The following LCA5 variants were observed in gnomAD, a reference collection of about 807,000 sequenced individuals.
The protein encoded by LCA5 is lebercilin.
A neutral mutation model predicts 53.0 loss-of-function variants in LCA5; 37 were observed. That is an observed-to-expected ratio of 0.70 (90% CI 0.54 to 0.92). The LOEUF (loss-of-function observed/expected upper bound fraction) is 0.92, where lower values mean the gene tolerates loss of function less well. Ranked by LOEUF, LCA5 falls within the 40% of genes least tolerant of loss-of-function variation. The probability of loss-of-function intolerance (pLI) is 0.00; values close to 1 mark genes in which losing one functional copy is unlikely to be tolerated. For synonymous variants in LCA5, 303 were observed against 282.9 expected, an observed-to-expected ratio of 1.07 and a Z score of -0.71; for missense variants, 806 against 790.5, an observed-to-expected ratio of 1.02 and a Z score of -0.23.
At chr6:79,505,351 C>A (rs190439466) in intron 3 of LCA5, among the ~76,000 whole-genome samples, 5 of 152,144 alleles carry the variant, frequency 3.3e-5, no homozygotes, top group South Asian at 4.1e-4. Context: ...TTAGTAGAAT[C>A]TCAATGAATA....
rs746949921 is a variant in LCA5, at chr6:79,518,876, T to C, written c.19A>G (p.Ser7Gly). MGERAG[S>G]PGTDQERKAG... is the part of the protein sequence containing the mutation. ...TTTCTTTCTTGATCAGTACCTGGAC[T>C]TCCTGCTCTTTCCCCCATTGTTTTG... The change falls in exon 2 of 8, where the codon AGT becomes GGT. Residue 7 changes from serine to glycine, a missense_variant. Ser to Gly is a moderately conservative substitution (Grantham distance 56). Coordinates refer to ENST00000369846, the MANE Select transcript of LCA5 (RefSeq NM_001122769.3). 1.7e-5 allele frequency: 28 copies of C among 1,614,044 alleles called. No homozygotes were observed. Among genetic ancestry groups the C allele is most frequent in the Non-Finnish European group, 2.5e-6 (3 of 1,180,002 alleles).
rs373282932 is a variant in LCA5, at chr6:79,487,013, T to C, written c.2085A>G (p.Ala695=). ...DSVEDEIEEV[A]LR is the part of the protein sequence containing the mutation. ...TGTATACTCTAGTCAGTCATCTCAGTGCTACTTCTTCAATTTCATCTTCTA... is the reference window on the plus strand; with the variant it reads ...TGTATACTCTAGTCAGTCATCTCAGCGCTACTTCTTCAATTTCATCTTCTA... The change falls in exon 8 of 8, where the codon GCA becomes GCG. Residue 695 remains alanine (A), a synonymous_variant. Coordinates refer to ENST00000369846, the MANE Select transcript of LCA5 (RefSeq NM_001122769.3). The C allele has an allele frequency of 6.2e-7, 1 of 1,612,864 alleles. No individual in the cohort carries two copies. The highest frequency in any genetic ancestry group is 8.5e-7 in the Non-Finnish European group (1 of 1,179,378).
chr6:79,525,831 CA>C (rs780728938), intron 1 of LCA5, among the ~76,000 whole-genome samples: 26 of 152,182 alleles, frequency 1.7e-4, no homozygotes, highest in Non-Finnish European at 3.7e-4. Flanking sequence ...GCAGGAGCCA[CA>C]AGCCGGAGCA....
In LCA5 at chr6:79,518,847, T is replaced by C; in HGVS notation, c.48A>G (p.Ala16=). The C allele has an allele frequency of 6.2e-7, 1 of 1,614,208 alleles. No homozygotes were observed. Among genetic ancestry groups the C allele is most frequent in the South Asian group, 1.1e-5 (1 of 91,086 alleles). ...GSPGTDQERK[A]GKHHYSYLSD... ...ATAAGTAAGAATAATGGTGTTTGCC[T>C]GCCTTTCTTTCTTGATCAGTACCTG... is the stretch of plus-strand genomic sequence containing the variant. The change falls in exon 2 of 8, where the codon GCA becomes GCG. Residue 16 remains alanine (A), a synonymous_variant. Transcript: ENST00000369846.
intron 1 of LCA5, among the ~76,000 whole-genome samples, chr6:79,527,365 C>T (rs1562113197): frequency 6.6e-6 from 1 of 152,082 alleles, no homozygotes; most frequent in African/African-American, 2.4e-5. Context: ...AAAAGCAGAA[C>T]GTCAAAATGG....
chr6:79,487,966 T>C, intron 7 of LCA5, 100 bp from the exon 8 acceptor site: 1 of 920,088 alleles, frequency 1.1e-6, no homozygotes, highest in Non-Finnish European at 1.6e-6. Context: ...TTAATTTGGG[T>C]ATTATAAATC....
chr6:79,519,856 T>C (rs1187463528), intron 1 of LCA5, among the ~76,000 whole-genome samples: 8 of 152,130 alleles, frequency 5.3e-5, no homozygotes, highest in African/African-American at 1.4e-4. Flanking sequence ...AAAAAATTGT[T>C]ATCATCTTCA....
Position 79,487,367 on chromosome 6 carries a change from CA to C in LCA5, c.1730del (p.Leu577TrpfsTer16), listed in dbSNP as rs1769696205. 1.2e-6 allele frequency: 2 copies of C among 1,612,064 alleles called. No individual in the cohort carries two copies. Among genetic ancestry groups the C allele is most frequent in the Non-Finnish European group, 1.7e-6 (2 of 1,179,450 alleles). The stretch of plus-strand genomic sequence containing the variant: ...TTTCCATACTGTTTCTTTGGAAATC[CA>C]AAAAACTACTTTTTTGACTAAATGG... Reference protein sequence around the residue: ...SNPFSQKSSFLDFQRNSMEKL... With the variant: ...SNPFSQKSSFXDFQRNSMEKL... On this transcript the variant is annotated frameshift_variant, in exon 8 of 8. Coordinates refer to ENST00000369846, the MANE Select transcript of LCA5 (RefSeq NM_001122769.3). LOFTEE classifies it low-confidence loss of function (END_TRUNC).
intron 2 of LCA5, among the ~76,000 whole-genome samples, chr6:79,518,498 T>C (rs1426852766): frequency 1.3e-5 from 2 of 152,160 alleles, no homozygotes; most frequent in African/African-American, 2.4e-5. Flanking sequence ...CTGTATACTG[T>C]ATGACTTTGA....
At chr6:79,499,883 T>C (rs1300547169) in intron 3 of LCA5, among the ~76,000 whole-genome samples, 1 of 150,648 alleles carries the variant, frequency 6.6e-6, no homozygotes, top group East Asian at 1.9e-4. Flanking sequence ...AGTGTGATGT[T>C]CCCCTTCCTG....
At chr6:79,501,421 C>G (rs1000518372) in intron 3 of LCA5, among the ~76,000 whole-genome samples, 8 of 151,954 alleles carry the variant, frequency 5.3e-5, no homozygotes, top group Non-Finnish European at 1.2e-4. Context: ...GATAAATATG[C>G]TGAAAGGAAC....
chr6:79,532,153 C>T (rs1766977849), intron 1 of LCA5, among the ~76,000 whole-genome samples: 1 of 152,168 alleles, frequency 6.6e-6, no homozygotes, highest in African/African-American at 2.4e-5. Flanking sequence ...TCCTACATCT[C>T]TCATCCAAAC....
intron 1 of LCA5, among the ~76,000 whole-genome samples, chr6:79,535,205 T>C (rs1393170070): frequency 1.3e-5 from 2 of 152,120 alleles, no homozygotes; most frequent in Non-Finnish European, 2.9e-5. Flanking sequence ...AAAGTAATAA[T>C]AAGTGGGACT....
chr6:79,516,294 T>C (rs1326416254), intron 2 of LCA5, among the ~76,000 whole-genome samples: 1 of 152,008 alleles, frequency 6.6e-6, no homozygotes, highest in African/African-American at 2.4e-5. Context: ...GGAATTTTGG[T>C]ATATATACGC....
At position 79,486,986 on chromosome 6, in the gene LCA5, A is replaced by C. The variant is rs952134199; in HGVS notation, c.*18T>G. On this transcript the variant is annotated 3_prime_UTR_variant, in exon 8 of 8. Transcript: ENST00000369846. ...TATTTCAATATTTACAATTAGAAAAAATGTATACTCTAGTCAGTCATCTCA... is the reference window on the plus strand; with the variant it reads ...TATTTCAATATTTACAATTAGAAAACATGTATACTCTAGTCAGTCATCTCA... 3 of 1,595,088 alleles carry C rather than the reference A, an allele frequency of 1.9e-6. No individual in the cohort carries two copies. Among genetic ancestry groups the C allele is most frequent in the Non-Finnish European group, 2.6e-6 (3 of 1,167,930 alleles).
chr6:79,502,480 T>C (rs1222769695), intron 3 of LCA5, among the ~76,000 whole-genome samples: 1 of 152,168 alleles, frequency 6.6e-6, no homozygotes, highest in Non-Finnish European at 1.5e-5. Flanking sequence ...AGCTTTTGTC[T>C]TCCAACATAG....
chr6:79,492,521 T>G, intron 5 of LCA5, 30 bp downstream of exon 5: 1 of 1,042,268 alleles, frequency 9.6e-7, no homozygotes, highest in Non-Finnish European at 1.5e-6. Context: ...AGCAATAATA[T>G]CAGTTTTTGA....
intron 3 of LCA5, among the ~76,000 whole-genome samples, chr6:79,501,794 T>C (rs958549171): frequency 8.6e-5 from 13 of 151,036 alleles, no homozygotes; most frequent in African/African-American, 3.1e-4. Context: ...GTTCTCTCTA[T>C]ATAATATATA....
chr6:79,533,991 C>CA (rs1026667650), intron 1 of LCA5, among the ~76,000 whole-genome samples: 1 of 150,144 alleles, frequency 6.7e-6, no homozygotes, highest in Admixed American at 6.6e-5. Flanking sequence ...CTCCTCCCCG[C>CA]AAAAAAGATG....
Sources: allele counts gnomAD v4.1 joint callset (sites outside exome capture counted in the v4.1 genomes callset), GRCh38; gene constraint gnomAD v4.1.1; transcripts MANE v1.5; gene names NCBI Gene and HGNC (gene_info 2026-07-23, HGNC 2026-07-21).